Variants in UNC13A observed in about 807,000 individuals in gnomAD.
UNC13A encodes protein unc-13 homolog A.
A neutral mutation model predicts 219.7 loss-of-function variants in UNC13A; 61 were observed. That is an observed-to-expected ratio of 0.28 (90% confidence interval 0.23 to 0.34). The LOEUF (loss-of-function observed/expected upper bound fraction) is 0.34, where lower values mean the gene tolerates loss of function less well. UNC13A is among the 10% of genes least tolerant of loss of function. The pLI, the probability that UNC13A is intolerant of heterozygous loss-of-function variation, is 1.00. For synonymous variants in UNC13A, 920 were observed against 884.6 expected (o/e 1.04, Z -0.71); for missense variants, 1,476 against 2,270.3 (o/e 0.65, Z 7.11).
chr19:17,647,167 G>A (rs935139298), intron 17 of UNC13A, 98 bp downstream of exon 17: 69 of 1,138,878 alleles, frequency 6.1e-5, no homozygotes, highest in Admixed American at 1.1e-4. Flanking sequence ...GAGTGAGTGC[G>A]CGCTGCAAAG....
At chr19:17,606,638 C>A (rs2144902330) in intron 43 of UNC13A, among the ~76,000 whole-genome samples, 1 of 152,274 alleles carries the variant, frequency 6.6e-6, no homozygotes, top group East Asian at 1.9e-4. Context: ...AGCTCCCGCC[C>A]CTCAGACACC....
chr19:17,643,301 C>T (rs1413199953), intron 19 of UNC13A, among the ~76,000 whole-genome samples: 3 of 151,260 alleles, frequency 2.0e-5, no homozygotes, highest in African/African-American at 7.3e-5. Flanking sequence ...CGTGAGTCAC[C>T]GCGCCCGGCC....
chr19:17,629,341 T>C lies in UNC13A; in HGVS notation c.3670-18A>G. On this transcript the variant is annotated intron_variant, in intron 30 of 43. Transcript: ENST00000519716. ...CTGATGGTCTGGGGAAGACACAGAG[T>C]GTGGGTGAGAGGAGAGGCTGGCACC... 1 of 1,602,258 alleles carries C rather than the reference T, an allele frequency of 6.2e-7. No homozygotes were observed. The highest frequency in any genetic ancestry group is 8.5e-7 in the Non-Finnish European group (1 of 1,174,100).
chr19:17,618,848 G>A, intron 39 of UNC13A, 58 bp downstream of exon 39: 3 of 1,574,262 alleles, frequency 1.9e-6, no homozygotes, highest in Non-Finnish European at 2.6e-6. Flanking sequence ...TGGCAACCTG[G>A]AAGCCACATG....
chr19:17,626,889 T>A, intron 33 of UNC13A, 104 bp from the exon 34 acceptor site: 3 of 1,440,754 alleles, frequency 2.1e-6, no homozygotes, highest in Non-Finnish European at 1.8e-6. Flanking sequence ...TCACAGCACA[T>A]AACCGAGCAA....
rs142647374 is a variant in UNC13A, at chr19:17,620,046, G to A, written c.4272+647C>T. 9.0e-3 allele frequency among the ~76,000 whole-genome samples: 1,373 copies of A among 152,346 alleles called. 13 individuals are homozygous for A. The highest frequency in any genetic ancestry group is 0.031 in the Middle Eastern group (9 of 294). ...AGTCACGGGCAATGCTAAGGGAGAC[G>A]GGGTCCCAGCCTGGAAGGCATGTGT... On this transcript the variant is annotated intron_variant, in intron 38 of 43. Coordinates refer to ENST00000519716, the MANE Select transcript of UNC13A (RefSeq NM_001080421.3).
intron 10 of UNC13A, 22 bp downstream of exon 10, chr19:17,655,861 C>A (rs1263707236): frequency 6.7e-7 from 1 of 1,500,552 alleles, no homozygotes; most frequent in Non-Finnish European, 8.8e-7. Context: ...GCCCCTCTGG[C>A]CCCTTGGCCC....
chr19:17,669,779 A>T lies in UNC13A; in HGVS notation c.271-103T>A, dbSNP rs1816646306. On this transcript the variant is annotated intron_variant, in intron 4 of 43. Transcript: ENST00000519716. Reference sequence around the variant, plus strand: ...ACATCCCCCTCACCCCTACCCCAAAACCAAAGTCATGTCCCCTCTCTATCT... The same window carrying T: ...ACATCCCCCTCACCCCTACCCCAAATCCAAAGTCATGTCCCCTCTCTATCT... 2.2e-6 allele frequency: 3 copies of T among 1,358,908 alleles called. No individual in the cohort carries two copies. In the South Asian group the frequency reaches 4.6e-5, roughly 21 times the overall value. 84.2% of individuals were successfully genotyped at this position (1,358,908 alleles called of 1,614,324 possible). A position where few individuals can be genotyped will look rare whatever the true frequency, so the allele number is the denominator to read the frequency against.
intron 2 of UNC13A, among the ~76,000 whole-genome samples, chr19:17,675,359 C>T (rs913386988): frequency 1.3e-5 from 2 of 151,472 alleles, no homozygotes; most frequent in Admixed American, 6.6e-5. Flanking sequence ...AGGCAGGGCA[C>T]GGTAGCTCAC....
At chr19:17,643,015 A>AT (rs796922566) in intron 19 of UNC13A, 55 bp from the exon 20 acceptor site, 117,999 of 1,072,602 alleles carry the variant, frequency 0.11, 10 homozygotes, top group South Asian at 0.12. Flanking sequence ...GCAGTGGGCA[A>AT]TTTTTTTTTT....
Position 17,611,333 on chromosome 19 carries a change from G to A in UNC13A, c.4651+430C>T, listed in dbSNP as rs574306569. Among the ~76,000 whole-genome samples the A allele has an allele frequency of 3.3e-5, 5 of 151,986 alleles. No individual in the cohort carries two copies. In the South Asian group the frequency reaches 8.3e-4, roughly 25 times the overall value. ...TGAGTAGCTGGGATTACAAGCACAC[G>A]CCACCACACCCAGCTACTTTTTGAA... On this transcript the variant is annotated intron_variant, in intron 42 of 43. Transcript: ENST00000519716.
intron 37 of UNC13A, 87 bp downstream of exon 37, chr19:17,621,745 C>T (rs888319515): frequency 2.0e-6 from 3 of 1,466,102 alleles, no homozygotes; most frequent in Non-Finnish European, 2.9e-6. Context: ...AGCTGCCCTT[C>T]CTGCCCAGGT....
At position 17,602,196 on chromosome 19, in the gene UNC13A, G is replaced by C. The variant is rs1396787302; in HGVS notation, c.*3858C>G. The C allele has an allele frequency of 6.6e-6, 1 of 152,648 alleles. No individual in the cohort carries two copies. The highest frequency in any genetic ancestry group is 1.5e-5 in the Non-Finnish European group (1 of 68,106). The allele number at this position is 152,648 out of a possible 1,614,324, so 9.5% of individuals were successfully genotyped here. A position where few individuals can be genotyped will look rare whatever the true frequency, so the allele number is the denominator to read the frequency against. On this transcript the variant is annotated 3_prime_UTR_variant, in exon 44 of 44. Coordinates refer to ENST00000519716, the MANE Select transcript of UNC13A (RefSeq NM_001080421.3). Reference sequence around the variant, plus strand: ...ATGCAAATCATTCGAGGACAGACTGGTAAGAGTGAACAGATCCTTCTTTCT... The same window carrying C: ...ATGCAAATCATTCGAGGACAGACTGCTAAGAGTGAACAGATCCTTCTTTCT...
Position 17,627,893 on chromosome 19 carries a change from C to T in UNC13A, c.3801G>A (p.Glu1267=). Residue 1267 remains glutamate (E), a synonymous_variant, in exon 32 of 44, where the codon GAG becomes GAA. Coordinates refer to ENST00000519716, the MANE Select transcript of UNC13A (RefSeq NM_001080421.3). The surrounding 1 kb of genome is among the most constrained non-coding windows in gnomAD (Gnocchi z 4.7). The part of the protein sequence containing the change: ...NNTQQLRVQL[E]KMFEAMGGKE... ...TTCCTCCCATGGCTTCGAACATCTTCTCCAGCTGAACTCGTAGCTGTTGAG... is the reference window on the plus strand; with the variant it reads ...TTCCTCCCATGGCTTCGAACATCTTTTCCAGCTGAACTCGTAGCTGTTGAG... 1 of 1,605,548 alleles carries T rather than the reference C, an allele frequency of 6.2e-7. No individual in the cohort carries two copies. Among genetic ancestry groups the T allele is most frequent in the Non-Finnish European group, 8.5e-7 (1 of 1,175,390 alleles).
At position 17,647,500 on chromosome 19, in the gene UNC13A, C is replaced by T. The variant is rs560708348; in HGVS notation, c.1817-8G>A. On this transcript the variant is annotated splice_region_variant and splice_polypyrimidine_tract_variant and intron_variant, in intron 16 of 43. Transcript: ENST00000519716. ...AGCTCTTCTCCGCAGCCCCTGAGGACGCCCGAGGCCGGCGCTGACCCCAGC... is the reference window on the plus strand; with the variant it reads ...AGCTCTTCTCCGCAGCCCCTGAGGATGCCCGAGGCCGGCGCTGACCCCAGC... 6.2e-6 allele frequency: 10 copies of T among 1,609,948 alleles called. No individual in the cohort carries two copies. Among genetic ancestry groups the T allele is most frequent in the East Asian group, 2.2e-5 (1 of 44,838 alleles).
Position 17,627,962 on chromosome 19 carries a change from G to T in UNC13A, c.3754-22C>A. 3 of 1,575,146 alleles carry T rather than the reference G, an allele frequency of 1.9e-6. No homozygotes were observed. The highest frequency in any genetic ancestry group is 4.6e-5 in the East Asian group (2 of 43,154). ...AGGGCTGTGGGTGGGAACAGAGAGG[G>T]GAGTCAAGCCTCAGGACCTCTCCCC... On this transcript the variant is annotated intron_variant, in intron 31 of 43. Coordinates refer to ENST00000519716, the MANE Select transcript of UNC13A (RefSeq NM_001080421.3). This position sits in a 1 kb window ranked among gnomAD's most constrained non-coding sequence, Gnocchi z 4.7.
chr19:17,627,523 C>T lies in UNC13A; in HGVS notation c.3906G>A (p.Arg1302=). The part of the protein sequence containing the change: ...KLNNVLDELS[R]VFATSFQPHI... ...GATGCTCCCACCTGGTAGCAAACAC[C>T]CGGCTGAGCTCATCCAAGACGTTAT... is the stretch of plus-strand genomic sequence containing the variant. The change falls in exon 33 of 44, where the codon CGG becomes CGA. Residue 1302 remains arginine (R), a synonymous_variant. Coordinates refer to ENST00000519716, the MANE Select transcript of UNC13A (RefSeq NM_001080421.3). This position sits in a 1 kb window ranked among gnomAD's most constrained non-coding sequence, Gnocchi z 4.7. The T allele has an allele frequency of 6.4e-7, 1 of 1,560,318 alleles. No individual in the cohort carries two copies. The highest frequency in any genetic ancestry group is 8.7e-7 in the Non-Finnish European group (1 of 1,151,670).
chr19:17,640,719 C>G, intron 21 of UNC13A, 58 bp from the exon 22 acceptor site: 1 of 1,490,572 alleles, frequency 6.7e-7, no homozygotes, highest in Non-Finnish European at 9.0e-7. Flanking sequence ...GGACCAAGAT[C>G]CCCCCTAGAA....
intron 26 of UNC13A, among the ~76,000 whole-genome samples, chr19:17,635,251 T>C (rs1391521270): frequency 6.6e-6 from 1 of 152,170 alleles, no homozygotes; most frequent in African/African-American, 2.4e-5. Context: ...TCCACCCACC[T>C]TGGCCTCCCA....
Sources: allele counts gnomAD v4.1 joint callset (sites outside exome capture counted in the v4.1 genomes callset), GRCh38; gene constraint gnomAD v4.1.1; non-coding constraint Gnocchi (gnomAD v3.1); transcripts MANE v1.5; gene names NCBI Gene and HGNC (gene_info 2026-07-23, HGNC 2026-07-21).